TRPC4: variants seen among roughly 807,000 people sequenced by gnomAD.
TRPC4 encodes the protein transient receptor potential cation channel subfamily C member 4, also known as short transient receptor potential channel 4.
TRPC4 carries 49 observed loss-of-function variants against 99.4 expected under a neutral mutation model. The ratio of observed to expected loss-of-function variants is 0.49; its 90% CI spans 0.39 to 0.63. The LOEUF is 0.63. Ranked by LOEUF, TRPC4 falls within the 20% of genes least tolerant of loss-of-function variation. The probability of loss-of-function intolerance (pLI) is 0.00; values close to 1 mark genes in which losing one functional copy is unlikely to be tolerated. For missense variants in TRPC4, 898 were observed against 1,152.9 expected (o/e 0.78, Z 3.20); for synonymous variants, 454 against 425.9 (o/e 1.07, Z -0.81).
intron 4 of TRPC4, among the ~76,000 whole-genome samples, chr13:37,691,194 C>T (rs1047701017): frequency 2.6e-5 from 4 of 152,044 alleles, no homozygotes; most frequent in Admixed American, 6.6e-5. Flanking sequence ...CTCCGCCTCC[C>T]GGGTTCACGT....
chr13:37,856,891 A>G (rs763563526), intron 1 of TRPC4, among the ~76,000 whole-genome samples: 1 of 151,724 alleles, frequency 6.6e-6, no homozygotes, highest in Non-Finnish European at 1.5e-5. Context: ...GAAACAATAT[A>G]CCTTCACATG....
At position 37,692,452 on chromosome 13, in the gene TRPC4, T is replaced by A; in HGVS notation, c.898-117A>T. 3.1e-6 allele frequency: 3 copies of A among 977,338 alleles called. No homozygotes were observed. The South Asian group carries it at 5.3e-5, about 17-fold the overall frequency. 60.5% of individuals were successfully genotyped at this position (977,338 alleles called of 1,614,324 possible). ...GACAGAAATTCTGTTTCACATAATT[T>A]TACATTTAAACAATCAAAAGGCTTT... On this transcript the variant is annotated intron_variant, in intron 3 of 10. Coordinates refer to ENST00000379705, the MANE Select transcript of TRPC4 (RefSeq NM_016179.4).
rs1291073251 is a variant in TRPC4 at position 37,632,195 on chromosome 13, G to A, written c.*4708C>T. On this transcript the variant is annotated 3_prime_UTR_variant, in exon 11 of 11. Transcript: ENST00000379705. The stretch of plus-strand genomic sequence containing the variant: ...CTGAAACAAATACAAATGTTCCTGA[G>A]CAGCACTGTCCAATAGAAATGTATT... Among the ~76,000 whole-genome samples the A allele has an allele frequency of 6.6e-6, 1 of 152,152 alleles. No homozygotes were observed. Among genetic ancestry groups the A allele is most frequent in the African/African-American group, 2.4e-5 (1 of 41,436 alleles).
rs1566058283 is a variant in TRPC4, at chr13:37,637,556, T to C, written c.2281A>G (p.Thr761Ala). 1 of 1,613,022 alleles carries C rather than the reference T, an allele frequency of 6.2e-7. No individual in the cohort carries two copies. Among genetic ancestry groups the C allele is most frequent in the Admixed American group, 1.7e-5 (1 of 59,806 alleles). Residue 761 changes from threonine (T) to alanine (A), a missense_variant, in exon 11 of 11, where the codon ACA (threonine) becomes GCA (alanine). Transcript: ENST00000379705. ...TTCGAGGCATTCGCAGATTGTATTGTGGAAAGTTTGCTTCCTCTTAGTAAT... is the reference window on the plus strand; with the variant it reads ...TTCGAGGCATTCGCAGATTGTATTGCGGAAAGTTTGCTTCCTCTTAGTAAT... ...LGLLRGSKLS[T>A]IQSANASKES...
chr13:37,837,543 A>G (rs1453300585), intron 1 of TRPC4, among the ~76,000 whole-genome samples: 1 of 152,206 alleles, frequency 6.6e-6, no homozygotes, highest in Non-Finnish European at 1.5e-5. Context: ...TCAGACTTGC[A>G]TGGGGCCTGT....
chr13:37,670,753 G>A (rs932975407), intron 5 of TRPC4, among the ~76,000 whole-genome samples: 2 of 152,302 alleles, frequency 1.3e-5, no homozygotes, highest in Non-Finnish European at 2.9e-5. Flanking sequence ...ATAGCAAGAT[G>A]TGGAAAGTCC....
chr13:37,735,372 A>G (rs1955364666), intron 3 of TRPC4, among the ~76,000 whole-genome samples: 1 of 152,176 alleles, frequency 6.6e-6, no homozygotes, highest in Non-Finnish European at 1.5e-5. Context: ...AATATATTGA[A>G]TGGAATAAGC....
chr13:37,731,532 G>C (rs1237932429), intron 3 of TRPC4, among the ~76,000 whole-genome samples: 1 of 151,902 alleles, frequency 6.6e-6, no homozygotes, highest in African/African-American at 2.4e-5. Flanking sequence ...AAATTAAAAT[G>C]CTTCAATACA....
intron 2 of TRPC4, among the ~76,000 whole-genome samples, chr13:37,751,212 C>A (rs1446898820): frequency 6.6e-6 from 1 of 152,092 alleles, no homozygotes; most frequent in Non-Finnish European, 1.5e-5. Context: ...GCTTGCTAGG[C>A]AGCCGTATCC....
At chr13:37,708,098 A>G (rs564717837) in intron 3 of TRPC4, among the ~76,000 whole-genome samples, 1 of 152,272 alleles carries the variant, frequency 6.6e-6, no homozygotes, top group African/African-American at 2.4e-5. Flanking sequence ...AACAGAAAAT[A>G]GGCCTCCATA....
At chr13:37,676,469 T>G (rs1269603743) in intron 4 of TRPC4, among the ~76,000 whole-genome samples, 4 of 151,812 alleles carry the variant, frequency 2.6e-5, no homozygotes, top group African/African-American at 9.7e-5. Flanking sequence ...GCCTCCTGGG[T>G]TAAAGCGATT....
chr13:37,866,567 C>A (rs1178340830), intron 1 of TRPC4, among the ~76,000 whole-genome samples: 2 of 151,694 alleles, frequency 1.3e-5, no homozygotes, highest in African/African-American at 2.4e-5. Flanking sequence ...TCCCTAAATG[C>A]ATTTTTTGCA....
At chr13:37,725,684 A>G (rs78432110) in intron 3 of TRPC4, among the ~76,000 whole-genome samples, 1,526 of 152,318 alleles carry the variant, frequency 0.01, 13 homozygotes, top group South Asian at 0.03. Flanking sequence ...CATTAAGTAT[A>G]TATAGCTTTG....
At chr13:37,729,644 T>G (rs1955179970) in intron 3 of TRPC4, among the ~76,000 whole-genome samples, 1 of 152,100 alleles carries the variant, frequency 6.6e-6, no homozygotes, top group Admixed American at 6.6e-5. Context: ...AATGGAATAT[T>G]GTTTAGCATT....
At chr13:37,801,070 G>A (rs1264118033) in intron 1 of TRPC4, among the ~76,000 whole-genome samples, 1 of 151,984 alleles carries the variant, frequency 6.6e-6, no homozygotes. Flanking sequence ...GGAAATATTT[G>A]AATGAATATT....
chr13:37,865,733 A>G (rs1416528638), intron 1 of TRPC4, among the ~76,000 whole-genome samples: 1 of 151,794 alleles, frequency 6.6e-6, no homozygotes, highest in Non-Finnish European at 1.5e-5. Context: ...GGAATTAAGT[A>G]AAAAGAGTGT....
chr13:37,709,907 C>T (rs763063525), intron 3 of TRPC4, among the ~76,000 whole-genome samples: 1 of 151,810 alleles, frequency 6.6e-6, no homozygotes, highest in Non-Finnish European at 1.5e-5. Flanking sequence ...ACAAATTTTA[C>T]CTACTGTTAT....
chr13:37,846,685 A>G (rs557802692), intron 1 of TRPC4, among the ~76,000 whole-genome samples: 1 of 152,194 alleles, frequency 6.6e-6, no homozygotes, highest in East Asian at 1.9e-4. Context: ...AACAAATTAA[A>G]AAATGCCAGC....
At chr13:37,733,389 A>G (rs1438085617) in intron 3 of TRPC4, among the ~76,000 whole-genome samples, 2 of 152,164 alleles carry the variant, frequency 1.3e-5, no homozygotes, top group African/African-American at 2.4e-5. Context: ...CTCAATTTGC[A>G]TTTATCTCTA....
Sources: allele counts gnomAD v4.1 joint callset (sites outside exome capture counted in the v4.1 genomes callset), GRCh38; gene constraint gnomAD v4.1.1; transcripts MANE v1.5; gene names NCBI Gene and HGNC (gene_info 2026-07-23, HGNC 2026-07-21).